ZNF3: variants seen among roughly 807,000 people sequenced by gnomAD.
The protein encoded by ZNF3 is C2-H2 type zinc finger protein.
In ZNF3, 16 loss-of-function variants were observed where a neutral mutation model predicts 36.9. That is an observed-to-expected ratio of 0.43 (90% CI 0.29 to 0.66). The LOEUF (loss-of-function observed/expected upper bound fraction) is 0.66, where lower values mean the gene tolerates loss of function less well. ZNF3 is among the 30% of genes least tolerant of loss of function. The pLI, the probability that ZNF3 is intolerant of heterozygous loss-of-function variation, is 0.13. For synonymous variants in ZNF3, 201 were observed against 201.9 expected, an observed-to-expected ratio of 1.00 and a Z score of 0.04; for missense variants, 462 against 543.1, an observed-to-expected ratio of 0.85 and a Z score of 1.48.
Position 100,070,645 on chromosome 7 carries a change from T to C in ZNF3, c.*498A>G. 2.0e-6 allele frequency: 2 copies of C among 989,962 alleles called. No homozygotes were observed. The allele number at this position is 989,962 out of a possible 1,614,324, so 61.3% of individuals were successfully genotyped here. The stretch of plus-strand genomic sequence containing the variant: ...ATCCCTCAATGCCAAATTTCCATAA[T>C]TAACGAAATCATGAAACAAAACAGC... On this transcript the variant is annotated 3_prime_UTR_variant, in exon 6 of 6. Coordinates refer to ENST00000299667, the MANE Select transcript of ZNF3 (RefSeq NM_032924.5).
In ZNF3 at chr7:100,071,404, T is replaced by C. The variant is rs1326044809; in HGVS notation, c.1080A>G (p.Arg360=). 3.1e-6 allele frequency: 5 copies of C among 1,614,238 alleles called. No homozygotes were observed. The South Asian group carries it at 5.5e-5, about 18-fold the overall frequency. ...CGTAGGGCTTCTCTCCAGTGTGGAT[T>C]CTCTGGTGCTGATAGAGGTGTGAGC... ...SQSSHLYQHQ[R]IHTGEKPYEC... The change falls in exon 6 of 6, where the codon AGA becomes AGG. Residue 360 remains arginine (R), a synonymous_variant. Transcript: ENST00000299667.
At chr7:100,064,254 G>A (rs1196597058) in exon 6 of ZNF3, 1 of 1,613,972 alleles carries the variant, frequency 6.2e-7, no homozygotes, top group Admixed American at 1.7e-5. Context: ...ATCAGAGAAT[G>A]CACACAGAAG....
At chr7:100,067,474 T>C (rs990290559), downstream of ZNF3, among the ~76,000 whole-genome samples, 8 of 152,156 alleles carry the variant, frequency 5.3e-5, no homozygotes, top group Non-Finnish European at 8.8e-5. Context: ...CTCATTATAT[T>C]GCCTAGGCTA....
exon 6 of ZNF3, chr7:100,064,086 AAC>A: frequency 6.2e-7 from 1 of 1,614,196 alleles, no homozygotes; most frequent in Non-Finnish European, 8.5e-7. Context: ...AACACAGGAG[AAC>A]ACACACTGGG....
upstream of ZNF3, chr7:100,082,447 G>C (rs1356942850): frequency 2.0e-5 from 3 of 152,342 alleles, no homozygotes; most frequent in Non-Finnish European, 4.4e-5. Flanking sequence ...TTACCCGGGC[G>C]TGGTGGCAGA....
chr7:100,075,639 C>T lies in ZNF3; in HGVS notation c.56-9G>A. The T allele has an allele frequency of 1.2e-6, 2 of 1,613,730 alleles. No individual in the cohort carries two copies. The highest frequency in any genetic ancestry group is 1.7e-6 in the Non-Finnish European group (2 of 1,179,792). ...AACTTTTGAAGGAAGAGCTGAAGGGCAATAAAAGGGCCCAGGAATGAGTCC... is the reference window on the plus strand; with the variant it reads ...AACTTTTGAAGGAAGAGCTGAAGGGTAATAAAAGGGCCCAGGAATGAGTCC... On this transcript the variant is annotated splice_polypyrimidine_tract_variant and intron_variant, in intron 3 of 5. Transcript: ENST00000299667.
chr7:100,064,082 G>A (rs1562850986), exon 6 of ZNF3: 1 of 1,614,130 alleles, frequency 6.2e-7, no homozygotes, highest in Non-Finnish European at 8.5e-7. Context: ...ACCAAACACA[G>A]GAGAACACAC....
intron 1 of ZNF3, among the ~76,000 whole-genome samples, chr7:100,080,191 C>T (rs1039370151): frequency 2.6e-5 from 4 of 152,208 alleles, no homozygotes; most frequent in African/African-American, 9.6e-5. Flanking sequence ...AACGTTCTGT[C>T]AGCTAACTTG....
intron 5 of ZNF3, among the ~76,000 whole-genome samples, 180 bp from the exon 6 acceptor site, chr7:100,072,392 G>C (rs1045582610): frequency 1.3e-5 from 2 of 152,202 alleles, no homozygotes; most frequent in African/African-American, 2.4e-5. Flanking sequence ...GACAGGGAAG[G>C]GGCAGGGCAG....
chr7:100,065,002 A>C, downstream of ZNF3: 1 of 1,494,762 alleles, frequency 6.7e-7, no homozygotes, highest in East Asian at 2.4e-5. Context: ...ATTGAACACA[A>C]TTGAATGAGA....
chr7:100,070,077 C>CG lies in ZNF3; in HGVS notation c.*1065dup. ...GGTCATCCCGTCGGTTGGGAAAACT[C>CG]GGGGAGTGCCATCCTCACCCAGCAA... On this transcript the variant is annotated 3_prime_UTR_variant, in exon 6 of 6. Transcript: ENST00000299667. 1.0e-6 allele frequency: 1 copy of CG among 985,798 alleles called. No homozygotes were observed. Among genetic ancestry groups the CG allele is most frequent in the African/African-American group, 1.7e-5 (1 of 57,342 alleles). 61.1% of individuals were successfully genotyped at this position (985,798 alleles called of 1,614,324 possible).
In ZNF3 at chr7:100,071,268, T is replaced by C; in HGVS notation, c.1216A>G (p.Arg406Gly). 6.2e-7 allele frequency: 1 copy of C among 1,614,266 alleles called. No individual in the cohort carries two copies. Among genetic ancestry groups the C allele is most frequent in the Non-Finnish European group, 8.5e-7 (1 of 1,180,046 alleles). Residue 406 changes from arginine (R) to glycine (G), a missense_variant, in exon 6 of 6, where the codon AGG becomes GGG. Transcript: ENST00000299667. The stretch of plus-strand genomic sequence containing the variant: ...TGGCGAACAAGAGCCGAGCTGTACC[T>C]GAAGGCTTTCCCACACTCACTACAT... The part of the protein sequence containing the change: ...YECSECGKAF[R>G]YSSALVRHQR...
chr7:100,075,529 AACCACAGCTC>A lies in ZNF3; in HGVS notation c.144+3_144+12del. On this transcript the variant is annotated splice_donor_5th_base_variant and intron_variant, in intron 4 of 5. Coordinates refer to ENST00000299667, the MANE Select transcript of ZNF3 (RefSeq NM_032924.5). ...AAATGGAAAGGAAAAGGATAAACGG[AACCACAGCTC>A]ACCTGGGACTTGGCCTTTAGGAGCG... The A allele has an allele frequency of 6.2e-7, 1 of 1,613,966 alleles. No individual in the cohort carries two copies. Among genetic ancestry groups the A allele is most frequent in the Non-Finnish European group, 8.5e-7 (1 of 1,179,880 alleles).
intron 5 of ZNF3, among the ~76,000 whole-genome samples, chr7:100,072,884 G>A (rs544446614): frequency 1.3e-5 from 2 of 152,336 alleles, no homozygotes; most frequent in East Asian, 3.9e-4. Context: ...CCAACTCTGG[G>A]CACAGAGGAT....
At chr7:100,078,309 G>A (rs1157293346) in intron 2 of ZNF3, among the ~76,000 whole-genome samples, 4 of 150,988 alleles carry the variant, frequency 2.6e-5, no homozygotes, top group South Asian at 2.1e-4. Context: ...AGCCTGGCCA[G>A]GATGATGAAA....
rs113683483 is a variant in ZNF3 at position 100,081,672 on chromosome 7, C to T, written c.-235G>A. 0.04 allele frequency: 6,026 copies of T among 152,536 alleles called. 161 individuals carry two copies. Among genetic ancestry groups the T allele is most frequent in the Non-Finnish European group, 0.06 (4,083 of 68,198 alleles). 9.4% of individuals were successfully genotyped at this position (152,536 alleles called of 1,614,324 possible). On this transcript the variant is annotated 5_prime_UTR_variant, in exon 1 of 6. It adds an upstream start codon to the 5' untranslated region. Coordinates refer to ENST00000299667, the MANE Select transcript of ZNF3 (RefSeq NM_032924.5). The surrounding 1 kb of genome is among the most constrained non-coding windows in gnomAD (Gnocchi z 4.3). Reference sequence around the variant, plus strand: ...GACGACAGATTTGGGGGACCGGACACGGACCAGGCCCTGTTGGACCCTGTC... The same window carrying T: ...GACGACAGATTTGGGGGACCGGACATGGACCAGGCCCTGTTGGACCCTGTC...
upstream of ZNF3, chr7:100,082,378 G>A (rs1795084937): frequency 1.3e-5 from 2 of 152,310 alleles, no homozygotes; most frequent in South Asian, 4.1e-4. Context: ...GAGGTCAGGA[G>A]TTCGAGACCA....
Position 100,064,182 on chromosome 7 carries a change from G to A in ZNF3, c.*606C>T, listed in dbSNP as rs757935181. On this transcript the variant is annotated 3_prime_UTR_variant, in exon 6 of 6. Coordinates refer to the ZNF3 transcript ENST00000413658. ...CCCTCCACTACAGAACACACTTGGTGGACCGGCCCTATGACTGTAAGTGTG... is the reference window on the plus strand; with the variant it reads ...CCCTCCACTACAGAACACACTTGGTAGACCGGCCCTATGACTGTAAGTGTG... The A allele has an allele frequency of 5.6e-6, 9 of 1,614,116 alleles. No individual in the cohort carries two copies. In the South Asian group the frequency reaches 6.6e-5, roughly 12 times the overall value.
In ZNF3 at chr7:100,072,106, A is replaced by G; in HGVS notation, c.378T>C (p.Phe126=). The G allele has an allele frequency of 6.2e-7, 1 of 1,614,186 alleles. No individual in the cohort carries two copies. The highest frequency in any genetic ancestry group is 8.5e-7 in the Non-Finnish European group (1 of 1,180,030). ...FQKDISQGLK[F]KEAYEREVSL... is the part of the protein sequence containing the mutation. ...TGACTTCTCGTTCATAGGCTTCTTT[A>G]AACTTGAGACCCTGAGAAATATCCT... The change falls in exon 6 of 6, where the codon TTT becomes TTC. Residue 126 remains phenylalanine (F), a synonymous_variant. Transcript: ENST00000299667.
Sources: gnomAD v4.1 joint callset for allele counts (sites outside exome capture counted in the v4.1 genomes callset) on GRCh38, gnomAD v4.1.1 for gene constraint, Gnocchi (gnomAD v3.1) non-coding constraint, MANE v1.5 for transcripts, NCBI Gene and HGNC (gene_info 2026-07-23, HGNC 2026-07-21) for gene names.